The following PKP2 variants were observed in gnomAD, a reference collection of about 807,000 sequenced individuals.
The protein encoded by PKP2 is plakophilin 2, also known as plakophilin-2.
PKP2 carries 73 observed loss-of-function variants against 83.4 expected under a neutral mutation model. The ratio of observed to expected loss-of-function variants is 0.88; its 90% CI spans 0.72 to 1.06. PKP2 has a LOEUF of 1.06. PKP2 is among the 50% of genes least tolerant of loss of function. The probability of loss-of-function intolerance (pLI) is 0.00; values close to 1 mark genes in which losing one functional copy is unlikely to be tolerated. For synonymous variants in PKP2, 409 were observed against 430.4 expected (o/e 0.95, Z 0.62); for missense variants, 966 against 1,065.4 (o/e 0.91, Z 1.30).
chr12:32,853,700 G>A (rs1008189250), intron 4 of PKP2, among the ~76,000 whole-genome samples: 3 of 152,054 alleles, frequency 2.0e-5, no homozygotes, highest in Admixed American at 2.0e-4. Flanking sequence ...TAGTGGAGAT[G>A]GGGTTTTGCC....
intron 3 of PKP2, among the ~76,000 whole-genome samples, chr12:32,869,944 G>A (rs906650190): frequency 2.2e-4 from 33 of 152,272 alleles, no homozygotes; most frequent in African/African-American, 7.9e-4. Context: ...TGGGAGGATC[G>A]CTTGAGCTTG....
At chr12:32,865,843 CA>C (rs989438718) in intron 4 of PKP2, among the ~76,000 whole-genome samples, 3 of 151,622 alleles carry the variant, frequency 2.0e-5, no homozygotes, top group African/African-American at 4.9e-5. Context: ...TTACATATAC[CA>C]AAAAAAGGAA....
chr12:32,853,929 A>T (rs1036019641), intron 4 of PKP2, among the ~76,000 whole-genome samples: 1 of 152,178 alleles, frequency 6.6e-6, no homozygotes, highest in African/African-American at 2.4e-5. Flanking sequence ...ACTGTGGCAC[A>T]GTGCCTGTTT....
chr12:32,892,435 C>T (rs1346627244), intron 1 of PKP2, among the ~76,000 whole-genome samples: 2 of 151,580 alleles, frequency 1.3e-5, no homozygotes, highest in Non-Finnish European at 2.9e-5. Context: ...GCCTCAGGCT[C>T]CCTAGTAGCT....
At chr12:32,852,812 G>T (rs1312193789) in intron 4 of PKP2, among the ~76,000 whole-genome samples, 1 of 152,220 alleles carries the variant, frequency 6.6e-6, no homozygotes, top group African/African-American at 2.4e-5. Flanking sequence ...GGCCGGGCAC[G>T]GTGGCTTATG....
chr12:32,807,006 T>C (rs1334671973), intron 9 of PKP2, among the ~76,000 whole-genome samples: 1 of 152,186 alleles, frequency 6.6e-6, no homozygotes, highest in African/African-American at 2.4e-5. Context: ...TCTATGTACT[T>C]GTGTGGTTTT....
At chr12:32,895,531 C>T (rs995142501) in intron 1 of PKP2, among the ~76,000 whole-genome samples, 2 of 152,200 alleles carry the variant, frequency 1.3e-5, no homozygotes, top group African/African-American at 4.8e-5. Context: ...TGCTCAATTT[C>T]TTTCCTCTTC....
At chr12:32,862,646 A>AAAAAG (rs544796986) in intron 4 of PKP2, among the ~76,000 whole-genome samples, 14 of 151,208 alleles carry the variant, frequency 9.3e-5, no homozygotes, top group South Asian at 2.1e-4. Context: ...ACTCCGTCTC[A>AAAAAG]AAAAGAAAAG....
intron 1 of PKP2, among the ~76,000 whole-genome samples, chr12:32,882,530 CAGTGAA>C (rs1956995736): frequency 6.6e-6 from 1 of 152,160 alleles, no homozygotes; most frequent in South Asian, 2.1e-4. Flanking sequence ...GGACAGGACC[CAGTGAA>C]ACAGTATCTC....
intron 9 of PKP2, among the ~76,000 whole-genome samples, chr12:32,809,356 C>A (rs1956255899): frequency 6.6e-6 from 1 of 152,202 alleles, no homozygotes; most frequent in Admixed American, 6.5e-5. Context: ...ATCTGGACCA[C>A]CCAGACTCTC....
At chr12:32,826,305 CAAAAAAAA>C (rs71068338) in intron 6 of PKP2, among the ~76,000 whole-genome samples, 4 of 84,678 alleles carry the variant, frequency 4.7e-5, no homozygotes, top group Non-Finnish European at 9.4e-5. Flanking sequence ...GACACCGTCT[CAAAAAAAA>C]AAAAAAAAAA....
intron 1 of PKP2, among the ~76,000 whole-genome samples, chr12:32,890,577 G>A (rs889698445): frequency 3.3e-5 from 5 of 151,888 alleles, no homozygotes; most frequent in Admixed American, 6.6e-5. Flanking sequence ...TCTACATATT[G>A]AGCTCTCAAG....
chr12:32,820,398 A>C (rs1178003645), intron 9 of PKP2: 4 of 152,228 alleles, frequency 2.6e-5, no homozygotes, highest in African/African-American at 9.6e-5. Context: ...ATACCTTAAT[A>C]TATAGGAAGG....
At position 32,802,552 on chromosome 12, in the gene PKP2, G is replaced by A. The variant is rs144018320; in HGVS notation, c.2018C>T (p.Pro673Leu). Residue 673 changes from proline to leucine, a missense_variant, in exon 10 of 13, where the codon CCG becomes CTG. Physicochemically the swap from Pro to Leu is moderately conservative, Grantham distance 98. Coordinates refer to ENST00000340811, the MANE Select transcript of PKP2 (RefSeq NM_001005242.3). Reference sequence around the variant, plus strand: ...GACAACTGTCTGAGCCACTGATGTCGGCATCTGTTTTGTGAGACATATCCT... The same window carrying A: ...GACAACTGTCTGAGCCACTGATGTCAGCATCTGTTTTGTGAGACATATCCT... The part of the protein sequence containing the change: ...QNLTAGSGPM[P>L]TSVAQTVVQK... The A allele has an allele frequency of 1.8e-4, 295 of 1,613,766 alleles. 1 individual carries two copies. In the East Asian group the frequency reaches 6.4e-3, roughly 35 times the overall value.
At chr12:32,855,027 C>A (rs975182388) in intron 4 of PKP2, among the ~76,000 whole-genome samples, 1 of 152,194 alleles carries the variant, frequency 6.6e-6, no homozygotes, top group Non-Finnish European at 1.5e-5. Flanking sequence ...TCTCTGCTTT[C>A]CCTCCCATTA....
intron 10 of PKP2, among the ~76,000 whole-genome samples, chr12:32,797,445 C>CAAAAAA (rs548021913): frequency 0.059 from 3,975 of 67,004 alleles, 559 homozygotes; most frequent in South Asian, 0.089. Context: ...GACCCTGTCT[C>CAAAAAA]AAAAAAAAAA....
At chr12:32,844,253 A>C (rs891903705) in intron 5 of PKP2, among the ~76,000 whole-genome samples, 4 of 152,248 alleles carry the variant, frequency 2.6e-5, no homozygotes, top group Non-Finnish European at 5.9e-5. Context: ...TAAGATGTTC[A>C]ATAGAGATTC....
At chr12:32,799,885 CT>C (rs1422293919) in intron 10 of PKP2, among the ~76,000 whole-genome samples, 1 of 152,162 alleles carries the variant, frequency 6.6e-6, no homozygotes, top group Non-Finnish European at 1.5e-5. Context: ...CACTAAATAA[CT>C]TTTGCATGTA....
intron 5 of PKP2, among the ~76,000 whole-genome samples, chr12:32,849,290 T>C (rs1956676424): frequency 6.6e-6 from 1 of 152,218 alleles, no homozygotes; most frequent in Admixed American, 6.5e-5. Context: ...CATGGCTCAC[T>C]GCACCAGCCT....
Sources: allele counts gnomAD v4.1 joint callset (sites outside exome capture counted in the v4.1 genomes callset), GRCh38; gene constraint gnomAD v4.1.1; transcripts MANE v1.5; gene names NCBI Gene and HGNC (gene_info 2026-07-23, HGNC 2026-07-21).